Variants in CPA6 observed in about 807,000 individuals in gnomAD.
CPA6 encodes the protein carboxypeptidase B.
Under a neutral mutation model 63.3 loss-of-function variants are expected in CPA6, and 58 were observed. The ratio of observed to expected loss-of-function variants is 0.92; its 90% confidence interval spans 0.74 to 1.14. The LOEUF (loss-of-function observed/expected upper bound fraction) is 1.14. Among genes scored for constraint, CPA6 ranks in the 50% most tolerant of loss-of-function variants. The probability of loss-of-function intolerance (pLI) is 0.00; values close to 1 mark genes in which losing one functional copy is unlikely to be tolerated. For synonymous variants in CPA6, 185 were observed against 179.0 expected, an observed-to-expected ratio of 1.03 and a Z score of -0.27; for missense variants, 565 against 526.6, an observed-to-expected ratio of 1.07 and a Z score of -0.71.
intron 8 of CPA6, among the ~76,000 whole-genome samples, chr8:67,455,250 G>T (rs536957269): frequency 1.3e-5 from 2 of 152,226 alleles, no homozygotes; most frequent in South Asian, 4.1e-4. Context: ...ACGAAGCAGC[G>T]CAGTGACAGG....
chr8:67,459,969 A>G (rs1810763486), intron 8 of CPA6, among the ~76,000 whole-genome samples: 1 of 152,070 alleles, frequency 6.6e-6, no homozygotes, highest in Non-Finnish European at 1.5e-5. Flanking sequence ...CTTCCTCTTA[A>G]TTTTGCTGTG....
At chr8:67,576,350 G>T (rs1165842122) in intron 2 of CPA6, among the ~76,000 whole-genome samples, 1 of 152,010 alleles carries the variant, frequency 6.6e-6, no homozygotes, top group Non-Finnish European at 1.5e-5. Context: ...CATTTTATCT[G>T]GAACCACCAG....
intron 2 of CPA6, among the ~76,000 whole-genome samples, chr8:67,548,242 CTCTTT>C (rs1391115059): frequency 8.5e-5 from 12 of 141,682 alleles, no homozygotes; most frequent in South Asian, 2.4e-4. Flanking sequence ...CCCCTCTCCT[CTCTTT>C]TCTTTTCTTT....
chr8:67,423,639 A>G (rs1009772008), intron 10 of CPA6, among the ~76,000 whole-genome samples: 13 of 152,266 alleles, frequency 8.5e-5, no homozygotes, highest in African/African-American at 2.9e-4. Flanking sequence ...CCACTAGGTG[A>G]GGGAGCTAGA....
chr8:67,682,544 A>G (rs956345889), intron 1 of CPA6, among the ~76,000 whole-genome samples: 2 of 152,134 alleles, frequency 1.3e-5, no homozygotes, highest in South Asian at 2.1e-4. Context: ...ATTGTAGCTC[A>G]TATTTTCCTG....
intron 2 of CPA6, among the ~76,000 whole-genome samples, chr8:67,622,007 G>A (rs1815094420): frequency 1.3e-5 from 2 of 152,184 alleles, no homozygotes; most frequent in African/African-American, 2.4e-5. Context: ...GAGTTTATAA[G>A]TAACCCCTAC....
intron 1 of CPA6, among the ~76,000 whole-genome samples, chr8:67,707,988 T>C (rs1279958845): frequency 1.3e-5 from 2 of 152,098 alleles, no homozygotes; most frequent in Non-Finnish European, 2.9e-5. Context: ...TTATACCTTG[T>C]CTACACAGTC....
chr8:67,453,135 C>A (rs1199072032), intron 8 of CPA6, among the ~76,000 whole-genome samples: 9 of 151,676 alleles, frequency 5.9e-5, no homozygotes, highest in Admixed American at 5.9e-4. Flanking sequence ...GGCAGGGGGG[C>A]AAGGGTAGCA....
At chr8:67,632,679 G>A (rs557985485) in intron 1 of CPA6, among the ~76,000 whole-genome samples, 5 of 152,074 alleles carry the variant, frequency 3.3e-5, no homozygotes, top group Admixed American at 2.0e-4. Context: ...GTTTTTAGTC[G>A]TTCTTTACTA....
In CPA6 at chr8:67,428,192, T is replaced by G; in HGVS notation, c.1042-61A>C. On this transcript the variant is annotated intron_variant, in intron 9 of 10. Coordinates refer to ENST00000297770, the MANE Select transcript of CPA6 (RefSeq NM_020361.5). ...GCATTGAAACTTTTAGATACACTGC[T>G]ATGTTGTTTGAGCCTCATCGATCAT... is the stretch of plus-strand genomic sequence containing the variant. 6 of 943,162 alleles carry G rather than the reference T, an allele frequency of 6.4e-6. No individual in the cohort carries two copies. In the South Asian group the frequency reaches 8.2e-5, roughly 13 times the overall value. 58.4% of individuals were successfully genotyped at this position (943,162 alleles called of 1,614,324 possible).
At position 67,422,681 on chromosome 8, in the gene CPA6, A is replaced by G; in HGVS notation, c.1137T>C (p.Ser379=). 1 of 1,609,022 alleles carries G rather than the reference A, an allele frequency of 6.2e-7. No individual in the cohort carries two copies. Among genetic ancestry groups the G allele is most frequent in the South Asian group, 1.1e-5 (1 of 90,300 alleles). ...GPASTTLYVS[S]GSSMDWAYKN... is the part of the protein sequence containing the mutation. Reference sequence around the variant, plus strand: ...TGTAGGCCCAATCCATTGAGCTACCAGAGCTCACATCTAAAAGTTAAAACA... The same window carrying G: ...TGTAGGCCCAATCCATTGAGCTACCGGAGCTCACATCTAAAAGTTAAAACA... Residue 379 remains serine (S), a synonymous_variant, in exon 11 of 11, where the codon TCT becomes TCC. Coordinates refer to ENST00000297770, the MANE Select transcript of CPA6 (RefSeq NM_020361.5).
At chr8:67,595,745 T>G (rs969850793) in intron 2 of CPA6, among the ~76,000 whole-genome samples, 2 of 152,190 alleles carry the variant, frequency 1.3e-5, no homozygotes, top group Non-Finnish European at 2.9e-5. Flanking sequence ...AAAAGTGCAG[T>G]ATTCGGGTGG....
intron 8 of CPA6, among the ~76,000 whole-genome samples, chr8:67,454,238 A>G (rs1810620695): frequency 6.6e-6 from 1 of 152,248 alleles, no homozygotes; most frequent in South Asian, 2.1e-4. Flanking sequence ...ATCTTTATTT[A>G]TAGCCTTTTT....
At chr8:67,476,553 C>CTTTT (rs71554607) in intron 8 of CPA6, among the ~76,000 whole-genome samples, 3 of 142,020 alleles carry the variant, frequency 2.1e-5, no homozygotes, top group Admixed American at 7.1e-5. Context: ...CTCTCTCTCT[C>CTTTT]TTTTTTTTTT....
chr8:67,661,317 GGC>G (rs1290365767), intron 1 of CPA6, among the ~76,000 whole-genome samples: 2 of 152,186 alleles, frequency 1.3e-5, no homozygotes, highest in African/African-American at 4.8e-5. Flanking sequence ...TGGCCATTGT[GGC>G]TGGAGTAGAG....
intron 2 of CPA6, among the ~76,000 whole-genome samples, chr8:67,520,931 A>G (rs906846052): frequency 1.4e-4 from 22 of 152,178 alleles, no homozygotes; most frequent in African/African-American, 4.6e-4. Context: ...CTGTGGGGTT[A>G]TTTGTCCCAT....
At chr8:67,477,667 G>C (rs1811272664) in intron 8 of CPA6, among the ~76,000 whole-genome samples, 1 of 152,198 alleles carries the variant, frequency 6.6e-6, no homozygotes, top group Admixed American at 6.5e-5. Flanking sequence ...GGCCTAGTTT[G>C]ACCAGTTAGT....
At chr8:67,533,185 A>G (rs906544805) in intron 2 of CPA6, among the ~76,000 whole-genome samples, 1 of 152,204 alleles carries the variant, frequency 6.6e-6, no homozygotes, top group Non-Finnish European at 1.5e-5. Context: ...TTGCCCTCAC[A>G]ATCTCACCTC....
Position 67,458,924 on chromosome 8 carries a change from C to A in CPA6, c.839-24684G>T, listed in dbSNP as rs1810737882. Among the ~76,000 whole-genome samples the A allele has an allele frequency of 3.9e-5, 6 of 152,298 alleles. No homozygotes were observed. The South Asian group carries it at 1.2e-3, about 32-fold the overall frequency. On this transcript the variant is annotated intron_variant, in intron 8 of 10. Transcript: ENST00000297770. Reference sequence around the variant, plus strand: ...TGGTGAAGACGTGGAGCAACAGGAACTTTCATTCATTGATTGTAGTAATAC... The same window carrying A: ...TGGTGAAGACGTGGAGCAACAGGAAATTTCATTCATTGATTGTAGTAATAC...
Sources: gnomAD v4.1 joint callset for allele counts (sites outside exome capture counted in the v4.1 genomes callset) on GRCh38, gnomAD v4.1.1 for gene constraint, MANE v1.5 for transcripts, NCBI Gene and HGNC (gene_info 2026-07-23, HGNC 2026-07-21) for gene names.